Variants in KIF27 observed in about 807,000 individuals in gnomAD.
The protein encoded by KIF27 is kinesin-like protein KIF27.
A neutral mutation model predicts 141.8 loss-of-function variants in KIF27; 84 were observed. The ratio of observed to expected loss-of-function variants is 0.59; its 90% confidence interval spans 0.50 to 0.71. The LOEUF (loss-of-function observed/expected upper bound fraction) is 0.71, where lower values mean the gene tolerates loss of function less well. KIF27 is among the 30% of genes least tolerant of loss of function. The probability of loss-of-function intolerance (pLI) is 0.00; values close to 1 mark genes in which losing one functional copy is unlikely to be tolerated. For missense variants in KIF27, 1,306 were observed against 1,628.4 expected (o/e 0.80, Z 3.41); for synonymous variants, 471 against 569.5 (o/e 0.83, Z 2.46).
chr9:83,842,092 A>C lies in KIF27; in HGVS notation c.3721+145T>G, dbSNP rs549443847. ...CACTTCTCATGTGGTTCTACTTTAG[A>C]CAACGATTTTTGTTTACAGAGACAA... On this transcript the variant is annotated intron_variant, in intron 17 of 17. Transcript: ENST00000297814. 3.1e-5 allele frequency: 29 copies of C among 940,336 alleles called. No individual in the cohort carries two copies. The African/African-American group carries it at 4.7e-4, about 15-fold the overall frequency. The allele number at this position is 940,336 out of a possible 1,614,324, so 58.2% of individuals were successfully genotyped here.
At position 83,850,108 on chromosome 9, in the gene KIF27, G is replaced by A. The variant is rs759000017; in HGVS notation, c.3547C>T (p.His1183Tyr). ...HEQKMQLLLH[H>Y]FKEQDGEGIM... ...CAAAAGGGGAAGTTACCTTTGAAAT[G>A]ATGTAATAGCAACTGCATCTTTTGT... is the stretch of plus-strand genomic sequence containing the variant. Residue 1183 changes from histidine to tyrosine, a missense_variant, in exon 16 of 18, where the codon CAT becomes TAT. Physicochemically the swap from His to Tyr is moderately conservative, Grantham distance 83. Transcript: ENST00000297814. 73 of 1,613,540 alleles carry A rather than the reference G, an allele frequency of 4.5e-5. No individual in the cohort carries two copies. Among genetic ancestry groups the A allele is most frequent in the Non-Finnish European group, 6.1e-5 (72 of 1,179,580 alleles).
At chr9:83,838,244 T>G (rs896991737) in intron 17 of KIF27, among the ~76,000 whole-genome samples, 1 of 151,936 alleles carries the variant, frequency 6.6e-6, no homozygotes, top group African/African-American at 2.4e-5. Context: ...TTTTGTTGTT[T>G]TTTTTTTGAG....
intron 16 of KIF27, among the ~76,000 whole-genome samples, chr9:83,844,313 T>G (rs551959797): frequency 1.6e-3 from 248 of 151,530 alleles, no homozygotes; most frequent in African/African-American, 5.3e-3. Context: ...TAGAGAGAGA[T>G]ATAGATATAT....
At chr9:83,865,606 AC>A (rs1221096301) in intron 13 of KIF27, among the ~76,000 whole-genome samples, 1 of 151,866 alleles carries the variant, frequency 6.6e-6, no homozygotes, top group Non-Finnish European at 1.5e-5. Context: ...CTATCCTCCA[AC>A]CCTTTTAATT....
At chr9:83,847,342 C>T (rs1399311157) in intron 16 of KIF27, among the ~76,000 whole-genome samples, 1 of 152,058 alleles carries the variant, frequency 6.6e-6, no homozygotes, top group Non-Finnish European at 1.5e-5. Flanking sequence ...TTTCCTTTTT[C>T]CTTTATCATG....
chr9:83,888,595 T>TAA lies in KIF27; in HGVS notation c.1980-5_1980-4dup, dbSNP rs772238541. 8 of 1,490,266 alleles carry TAA rather than the reference T, an allele frequency of 5.4e-6. No individual in the cohort carries two copies. Among genetic ancestry groups the TAA allele is most frequent in the African/African-American group, 2.8e-5 (2 of 70,244 alleles). 92.3% of individuals were successfully genotyped at this position (1,490,266 alleles called of 1,614,324 possible). A position where few individuals can be genotyped will look rare whatever the true frequency, so the allele number is the denominator to read the frequency against. On this transcript the variant is annotated splice_region_variant and splice_polypyrimidine_tract_variant and intron_variant, in intron 7 of 17. Transcript: ENST00000297814. ...GAATCCATGAACGACTTCTACATCT[T>TAA]AAAAAAAAATCAGAAAGTTAACTTA...
At chr9:83,840,076 A>T (rs535636984) in intron 17 of KIF27, among the ~76,000 whole-genome samples, 15 of 152,330 alleles carry the variant, frequency 9.8e-5, no homozygotes, top group African/African-American at 3.6e-4. Flanking sequence ...ATATTTTATA[A>T]TTCAAACAAA....
rs12235151 is a variant in KIF27 at position 83,842,176 on chromosome 9, G to A, written c.3721+61C>T. On this transcript the variant is annotated intron_variant, in intron 17 of 17. Coordinates refer to ENST00000297814, the MANE Select transcript of KIF27 (RefSeq NM_017576.4). ...TTGGTAAAGGCTACACTACAAAGCT[G>A]GCATGACTTCACCAAATGCTAGAGA... The A allele has an allele frequency of 5.3e-3, 7,627 of 1,431,124 alleles. 194 individuals carry two copies. The highest frequency in any genetic ancestry group is 0.039 in the East Asian group (1,484 of 37,890). The allele number at this position is 1,431,124 out of a possible 1,614,324, so 88.7% of individuals were successfully genotyped here. A position where few individuals can be genotyped will look rare whatever the true frequency, so the allele number is the denominator to read the frequency against.
At chr9:83,851,294 C>G (rs1267363180) in intron 15 of KIF27, among the ~76,000 whole-genome samples, 2 of 152,100 alleles carry the variant, frequency 1.3e-5, no homozygotes, top group Non-Finnish European at 2.9e-5. Flanking sequence ...CTAGACAATT[C>G]CAAGTTTTAA....
At chr9:83,857,451 TGTGA>T (rs1949363165) in intron 14 of KIF27, among the ~76,000 whole-genome samples, 2 of 152,150 alleles carry the variant, frequency 1.3e-5, no homozygotes, top group South Asian at 2.1e-4. Context: ...TAGAAGCTCA[TGTGA>T]GTAAGTAGAA....
rs775520025 is a variant in KIF27, at chr9:83,891,371, C to T, written c.1733G>A (p.Arg578Lys). ...ATCAAATGGTACAGTATATGGTCTC[C>T]TTTCAGGGATCCTGGCATCTGGCCC... ...GDGPDARIPE[R>K]RPYTVPFDTH... is the part of the protein sequence containing the mutation. The change falls in exon 6 of 18, where the codon AGG (arginine) becomes AAG (lysine). Residue 578 changes from arginine to lysine, a missense_variant. By Grantham distance (26) the Arg-to-Lys change is conservative. Coordinates refer to ENST00000297814, the MANE Select transcript of KIF27 (RefSeq NM_017576.4). 28 of 1,613,634 alleles carry T rather than the reference C, an allele frequency of 1.7e-5. No individual in the cohort carries two copies. In the East Asian group the frequency reaches 2.0e-4, roughly 12 times the overall value.
At chr9:83,860,618 T>C (rs1236041093) in intron 13 of KIF27, among the ~76,000 whole-genome samples, 1 of 152,244 alleles carries the variant, frequency 6.6e-6, no homozygotes. Flanking sequence ...CCAACAGAAC[T>C]ATAAAATTCC....
rs1018126736 is a variant in KIF27, at chr9:83,850,154, G to A, written c.3501C>T (p.Thr1167=). ...HLKLQCDRRL[T]LQQKEHEQKM... is the part of the protein sequence containing the mutation. The stretch of plus-strand genomic sequence containing the variant: ...TTTGTTCGTGTTCCTTTTGCTGGAG[G>A]GTCAGTCTCCGGTCACACTGCAATT... Residue 1167 remains threonine (T), a synonymous_variant, in exon 16 of 18, where the codon ACC becomes ACT. Transcript: ENST00000297814. 19 of 1,613,816 alleles carry A rather than the reference G, an allele frequency of 1.2e-5. No individual in the cohort carries two copies. Among genetic ancestry groups the A allele is most frequent in the Non-Finnish European group, 1.6e-5 (19 of 1,179,808 alleles).
At chr9:83,918,327 G>C (rs78312597) in intron 1 of KIF27, among the ~76,000 whole-genome samples, 25,367 of 144,092 alleles carry the variant, frequency 0.18, 3,048 homozygotes, top group Non-Finnish European at 0.24. Flanking sequence ...GAGAAATGGG[G>C]GGGGGGCAGG....
intron 1 of KIF27, among the ~76,000 whole-genome samples, chr9:83,919,391 A>G (rs1264214631): frequency 6.6e-6 from 1 of 152,230 alleles, no homozygotes; most frequent in African/African-American, 2.4e-5. Flanking sequence ...TTTTGGAAGG[A>G]TAAAGCTTAT....
At chr9:83,896,133 T>C (rs964242433) in intron 5 of KIF27, among the ~76,000 whole-genome samples, 5 of 149,880 alleles carry the variant, frequency 3.3e-5, no homozygotes, top group East Asian at 2.0e-4. Flanking sequence ...ATCCCAGCTA[T>C]ACAGGAGACT....
chr9:83,866,355 G>A (rs1317702299), intron 13 of KIF27, among the ~76,000 whole-genome samples: 1 of 152,160 alleles, frequency 6.6e-6, no homozygotes, highest in Admixed American at 6.5e-5. Flanking sequence ...CATATATGTA[G>A]GGTCTTGGCC....
At chr9:83,874,844 G>A (rs1321407736) in intron 11 of KIF27, among the ~76,000 whole-genome samples, 42 of 150,336 alleles carry the variant, frequency 2.8e-4, no homozygotes, top group African/African-American at 1.0e-3. Flanking sequence ...TGAGGTGGGA[G>A]GATTCCTTGA....
chr9:83,898,428 G>T (rs538050372), intron 5 of KIF27, among the ~76,000 whole-genome samples: 2 of 152,242 alleles, frequency 1.3e-5, no homozygotes, highest in South Asian at 4.1e-4. Context: ...TACATATTTA[G>T]ATAGTAAAAC....
Sources: allele counts gnomAD v4.1 joint callset (sites outside exome capture counted in the v4.1 genomes callset), GRCh38; gene constraint gnomAD v4.1.1; transcripts MANE v1.5; gene names NCBI Gene and HGNC (gene_info 2026-07-23, HGNC 2026-07-21).